FER: variants seen among roughly 807,000 people sequenced by gnomAD.
The protein encoded by FER is FER tyrosine kinase, also known as tyrosine-protein kinase Fer.
A neutral mutation model predicts 111.0 loss-of-function variants in FER; 63 were observed. The observed-to-expected ratio is 0.57, with a 90% CI of 0.46 to 0.70. FER has a LOEUF of 0.70. Ranked by LOEUF, FER falls within the 30% of genes least tolerant of loss-of-function variation. The pLI is 0.00. For synonymous variants in FER, 327 were observed against 313.9 expected, an observed-to-expected ratio of 1.04 and a Z score of -0.44; for missense variants, 914 against 954.0, an observed-to-expected ratio of 0.96 and a Z score of 0.55.
intron 16 of FER, among the ~76,000 whole-genome samples, chr5:109,059,722 C>T (rs1243277530): frequency 2.0e-5 from 3 of 152,094 alleles, no homozygotes; most frequent in Admixed American, 6.5e-5. Flanking sequence ...AACATTCATA[C>T]GTTACTGGTA....
intron 13 of FER, among the ~76,000 whole-genome samples, chr5:108,971,521 T>C (rs1760662617): frequency 6.6e-6 from 1 of 152,170 alleles, no homozygotes; most frequent in Non-Finnish European, 1.5e-5. Flanking sequence ...AAAATTTTAC[T>C]GCCAGTAAGT....
chr5:109,170,307 A>G (rs563497888), intron 17 of FER, among the ~76,000 whole-genome samples: 8 of 152,340 alleles, frequency 5.3e-5, no homozygotes, highest in African/African-American at 1.9e-4. Context: ...AATGGGAAAG[A>G]AAATAGTTCC....
At chr5:109,148,588 T>A (rs1350720127) in intron 17 of FER, among the ~76,000 whole-genome samples, 1 of 152,232 alleles carries the variant, frequency 6.6e-6, no homozygotes, top group African/African-American at 2.4e-5. Context: ...ACTGGGATAC[T>A]ATTTTCATTC....
chr5:108,939,224 A>G (rs112141632), intron 10 of FER, among the ~76,000 whole-genome samples: 29,044 of 151,944 alleles, frequency 0.19, 3,172 homozygotes, highest in African/African-American at 0.3. Flanking sequence ...ATCTACATTA[A>G]TATATATCAA....
intron 8 of FER, among the ~76,000 whole-genome samples, chr5:108,873,657 T>C (rs893254806): frequency 2.6e-5 from 4 of 152,160 alleles, no homozygotes; most frequent in African/African-American, 7.2e-5. Context: ...TCATGCCCTA[T>C]ACAGGGGTCT....
chr5:108,958,479 A>G (rs1340058422), intron 12 of FER, among the ~76,000 whole-genome samples: 3 of 151,784 alleles, frequency 2.0e-5, no homozygotes, highest in African/African-American at 7.2e-5. Flanking sequence ...CAATTTATCC[A>G]TATGACAACC....
At chr5:108,977,912 C>T (rs1262995142) in intron 13 of FER, among the ~76,000 whole-genome samples, 1 of 152,158 alleles carries the variant, frequency 6.6e-6, no homozygotes, top group Admixed American at 6.5e-5. Flanking sequence ...GTGGTACGAT[C>T]TTGGCTCACT....
chr5:109,152,918 T>C (rs1211903823), intron 17 of FER, among the ~76,000 whole-genome samples: 2 of 151,956 alleles, frequency 1.3e-5, no homozygotes, highest in Non-Finnish European at 2.9e-5. Flanking sequence ...TTAAAAATAT[T>C]CATGTTGTCT....
chr5:108,782,350 C>A (rs747035696), intron 2 of FER, among the ~76,000 whole-genome samples: 3 of 151,822 alleles, frequency 2.0e-5, no homozygotes, highest in Non-Finnish European at 2.9e-5. Context: ...AAACTCATGG[C>A]CTTAAATGAT....
intron 16 of FER, among the ~76,000 whole-genome samples, chr5:109,085,163 G>A (rs1295116028): frequency 6.6e-6 from 1 of 151,646 alleles, no homozygotes; most frequent in Admixed American, 6.6e-5. Context: ...ATCAATATGG[G>A]GGAAATTTAC....
chr5:108,901,471 T>C (rs938981877), intron 10 of FER, among the ~76,000 whole-genome samples: 4 of 152,084 alleles, frequency 2.6e-5, no homozygotes, highest in African/African-American at 9.7e-5. Flanking sequence ...TATGGCATAA[T>C]AGGTTAGATA....
At chr5:109,065,676 C>T (rs1433249063) in intron 16 of FER, among the ~76,000 whole-genome samples, 2 of 152,120 alleles carry the variant, frequency 1.3e-5, no homozygotes, top group African/African-American at 4.8e-5. Flanking sequence ...TGAAGGATTA[C>T]ATATTATATT....
rs924652627 is a variant in FER at position 109,196,583 on chromosome 5, A to T, written c.*9008A>T. ...TAAAGCAGTTGGTTGTCTATCTTTT[A>T]TCATTTTTACTCAGATCTGTATTTA... On this transcript the variant is annotated 3_prime_UTR_variant, in exon 20 of 20. Coordinates refer to ENST00000281092, the MANE Select transcript of FER (RefSeq NM_005246.4). The T allele has an allele frequency of 6.6e-6, 1 of 152,174 alleles. No individual in the cohort carries two copies. Among genetic ancestry groups the T allele is most frequent in the Admixed American group, 6.5e-5 (1 of 15,278 alleles). 9.4% of individuals were successfully genotyped at this position (152,174 alleles called of 1,614,324 possible).
intron 5 of FER, among the ~76,000 whole-genome samples, chr5:108,856,874 C>T (rs974661158): frequency 2.6e-5 from 4 of 151,890 alleles, no homozygotes; most frequent in African/African-American, 9.7e-5. Context: ...ACTAGGAAAT[C>T]AGTGTTTTGA....
chr5:109,016,471 G>T (rs149702765), intron 13 of FER, among the ~76,000 whole-genome samples: 1 of 152,080 alleles, frequency 6.6e-6, no homozygotes, highest in African/African-American at 2.4e-5. Flanking sequence ...ATTGCAAGCA[G>T]TGTGTGAAGA....
chr5:108,798,096 A>G (rs916616871), intron 2 of FER, 28 bp from the exon 3 acceptor site: 3 of 839,396 alleles, frequency 3.6e-6, no homozygotes, highest in South Asian at 4.9e-5. Flanking sequence ...TTTATTTAAG[A>G]GTTTTTCTCT....
At chr5:108,933,860 G>A (rs546225169) in intron 10 of FER, among the ~76,000 whole-genome samples, 4 of 152,016 alleles carry the variant, frequency 2.6e-5, no homozygotes, top group African/African-American at 9.7e-5. Flanking sequence ...TATTCTCTCT[G>A]TAGCAGTTTT....
chr5:109,126,561 A>G (rs952521466), intron 17 of FER, among the ~76,000 whole-genome samples: 15 of 152,214 alleles, frequency 9.9e-5, no homozygotes, highest in African/African-American at 3.6e-4. Flanking sequence ...TGATTAATGA[A>G]TAATAATTTA....
chr5:108,970,636 G>C lies in FER; in HGVS notation c.1656+11289G>C, dbSNP rs572249503. On this transcript the variant is annotated intron_variant, in intron 13 of 19. Transcript: ENST00000281092. Reference sequence around the variant, plus strand: ...AACAAAAGCTATTTCTAAAGTCGCAGTATGTGTTACGGGAATTCAGAAGAG... The same window carrying C: ...AACAAAAGCTATTTCTAAAGTCGCACTATGTGTTACGGGAATTCAGAAGAG... Among the ~76,000 whole-genome samples the C allele has an allele frequency of 4.6e-5, 7 of 152,262 alleles. No individual in the cohort carries two copies. The South Asian group carries it at 8.3e-4, about 18-fold the overall frequency.
Sources: allele counts gnomAD v4.1 joint callset (sites outside exome capture counted in the v4.1 genomes callset), GRCh38; gene constraint gnomAD v4.1.1; transcripts MANE v1.5; gene names NCBI Gene and HGNC (gene_info 2026-07-23, HGNC 2026-07-21).